The following TXNDC11 variants were observed in gnomAD, a reference collection of about 807,000 sequenced individuals.
TXNDC11 encodes thioredoxin domain-containing protein 11.
In TXNDC11, 68 loss-of-function variants were observed where a neutral mutation model predicts 78.0. The observed-to-expected ratio is 0.87, with a 90% confidence interval of 0.72 to 1.07. The LOEUF (loss-of-function observed/expected upper bound fraction) is 1.07, where lower values mean the gene tolerates loss of function less well. Among genes scored for constraint, TXNDC11 ranks in the 50% least tolerant of loss-of-function variants. The pLI, the probability that TXNDC11 is intolerant of heterozygous loss-of-function variation, is 0.00. For synonymous variants in TXNDC11, 571 were observed against 495.2 expected (o/e 1.15, Z -2.03); for missense variants, 1,389 against 1,221.8 (o/e 1.14, Z -2.04).
chr16:11,701,465 T>C (rs1014877943), intron 5 of TXNDC11, among the ~76,000 whole-genome samples: 9 of 152,082 alleles, frequency 5.9e-5, no homozygotes, highest in Non-Finnish European at 1.0e-4. Context: ...GTAATTTCTG[T>C]GAAATTAGAG....
intron 1 of TXNDC11, chr16:11,742,191 G>A: frequency 2.6e-6 from 1 of 392,038 alleles, no homozygotes; most frequent in East Asian, 4.0e-5. Flanking sequence ...TCCACCCCTA[G>A]TGACTCCAAC....
chr16:11,695,486 G>A (rs970885379), intron 7 of TXNDC11, among the ~76,000 whole-genome samples: 7 of 152,134 alleles, frequency 4.6e-5, no homozygotes, highest in South Asian at 2.1e-4. Context: ...TAACTCTTTC[G>A]TGGTCAACAA....
chr16:11,721,276 TA>T, intron 5 of TXNDC11: 1 of 213,962 alleles, frequency 4.7e-6, no homozygotes, highest in South Asian at 5.7e-5. Flanking sequence ...CCATATCTAC[TA>T]AAAATACAAA....
chr16:11,688,938 T>C (rs2050638088), intron 8 of TXNDC11, among the ~76,000 whole-genome samples: 1 of 152,212 alleles, frequency 6.6e-6, no homozygotes, highest in Non-Finnish European at 1.5e-5. Flanking sequence ...AGTTTCTTTT[T>C]TTAAAGGTTA....
intron 11 of TXNDC11, among the ~76,000 whole-genome samples, chr16:11,680,749 C>A (rs2050402760): frequency 6.6e-6 from 1 of 152,220 alleles, no homozygotes; most frequent in African/African-American, 2.4e-5. Flanking sequence ...CAGAGCCTGG[C>A]TGCCCAGGGC....
In TXNDC11 at chr16:11,688,242, A is replaced by G. The variant is rs1402272011; in HGVS notation, c.2043+61T>C. 6 of 1,573,976 alleles carry G rather than the reference A, an allele frequency of 3.8e-6. No individual in the cohort carries two copies. In the Admixed American group the frequency reaches 9.0e-5, roughly 24 times the overall value. On this transcript the variant is annotated intron_variant, in intron 9 of 11. Transcript: ENST00000283033. The stretch of plus-strand genomic sequence containing the variant: ...AACAGCTGCTCACCCCAACAACTGT[A>G]GTTTGGAAATTATTTTAAGAGGGAC...
Position 11,688,437 on chromosome 16 carries a change from T to C in TXNDC11, c.1909A>G (p.Ile637Val), listed in dbSNP as rs1440865112. 1.9e-6 allele frequency: 3 copies of C among 1,603,190 alleles called. No individual in the cohort carries two copies. The highest frequency in any genetic ancestry group is 1.7e-4 in the Middle Eastern group (1 of 6,000). ...CTATAGAGAACGCTGAAGTTTTGAA[T>C]AAAAGACTCTAAAAATAAAGAGAAA... ...ALMKLTLESF[I>V]QNFSVLYSPL... is the part of the protein sequence containing the mutation. The change falls in exon 9 of 12, where the codon ATT (isoleucine) becomes GTT (valine). Residue 637 changes from isoleucine to valine, a missense_variant. Physicochemically the swap from Ile to Val is conservative, Grantham distance 29. Transcript: ENST00000283033.
chr16:11,695,140 A>G (rs2050825746), intron 7 of TXNDC11, among the ~76,000 whole-genome samples: 1 of 152,234 alleles, frequency 6.6e-6, no homozygotes. Context: ...GTGATGTCTT[A>G]TAACCTCTCT....
chr16:11,717,559 C>T (rs1324840518), intron 5 of TXNDC11, among the ~76,000 whole-genome samples: 1 of 151,174 alleles, frequency 6.6e-6, no homozygotes, highest in Admixed American at 6.6e-5. Flanking sequence ...CAGTGGCTCA[C>T]GCCTGTAATC....
At chr16:11,688,782 A>C (rs1294237803) in intron 8 of TXNDC11, among the ~76,000 whole-genome samples, 1 of 152,230 alleles carries the variant, frequency 6.6e-6, no homozygotes, top group Non-Finnish European at 1.5e-5. Flanking sequence ...CTTTTCAAGA[A>C]ATTTCACCCT....
intron 5 of TXNDC11, among the ~76,000 whole-genome samples, chr16:11,709,310 T>C (rs1187921485): frequency 6.6e-6 from 1 of 150,680 alleles, no homozygotes; most frequent in Non-Finnish European, 1.5e-5. Flanking sequence ...TGGAGCGCAA[T>C]GGCGTGATCT....
At chr16:11,687,451 T>C (rs905514224) in intron 10 of TXNDC11, among the ~76,000 whole-genome samples, 16 of 152,330 alleles carry the variant, frequency 1.1e-4, no homozygotes, top group African/African-American at 3.4e-4. Flanking sequence ...TGGATATCTA[T>C]TGGTCTTTCC....
chr16:11,694,070 G>A (rs2050790765), intron 7 of TXNDC11, among the ~76,000 whole-genome samples: 1 of 137,338 alleles, frequency 7.3e-6, no homozygotes, highest in South Asian at 2.4e-4. Flanking sequence ...ATTTTTAATT[G>A]AAGAAAGTAT....
At chr16:11,733,961 C>T (rs139938308) in intron 3 of TXNDC11, 21 bp downstream of exon 3, 71 of 1,527,972 alleles carry the variant, frequency 4.6e-5, no homozygotes, top group Admixed American at 4.1e-4. Context: ...GAATGAGAGA[C>T]GCTATTTAAA....
In TXNDC11 at chr16:11,700,470, T is replaced by G; in HGVS notation, c.888A>C (p.Arg296Ser). The change falls in exon 6 of 12, where the codon AGA (arginine) becomes AGC (serine). Residue 296 changes from arginine (R) to serine (S), a missense_variant. By Grantham distance (110) the Arg-to-Ser change is moderately radical (BLOSUM62 -1). Coordinates refer to ENST00000283033, the MANE Select transcript of TXNDC11 (RefSeq NM_015914.7). ...TACTTACAAGTGATGTGTTGAAATG[T>G]CTATGTAAATACACACTTCCAGAGT... ...LVHSGSVYLH[R>S]HFNTSLVFPR... 1 of 1,550,318 alleles carries G rather than the reference T, an allele frequency of 6.5e-7. No homozygotes were observed.
chr16:11,714,558 T>A (rs557744243), intron 5 of TXNDC11, among the ~76,000 whole-genome samples: 1 of 151,288 alleles, frequency 6.6e-6, no homozygotes, highest in East Asian at 2.0e-4. Context: ...GAAAATGGCG[T>A]GAACCCGGGA....
intron 5 of TXNDC11, among the ~76,000 whole-genome samples, chr16:11,715,155 G>C (rs1342179836): frequency 6.6e-6 from 1 of 152,172 alleles, no homozygotes; most frequent in African/African-American, 2.4e-5. Context: ...GAGAAGCTGA[G>C]GCAGGAGAAT....
chr16:11,718,582 G>T (rs2051612996), intron 5 of TXNDC11, among the ~76,000 whole-genome samples: 1 of 152,056 alleles, frequency 6.6e-6, no homozygotes. Context: ...CAGGGTAGAA[G>T]AAAGGGAGAA....
chr16:11,688,859 G>A (rs182241487), intron 8 of TXNDC11, among the ~76,000 whole-genome samples: 68 of 152,268 alleles, frequency 4.5e-4, no homozygotes, highest in Non-Finnish European at 8.8e-4. Flanking sequence ...AGTGTGGAAT[G>A]TGTTTAAATG....
Sources: gnomAD v4.1 joint callset for allele counts (sites outside exome capture counted in the v4.1 genomes callset) on GRCh38, gnomAD v4.1.1 for gene constraint, MANE v1.5 for transcripts, NCBI Gene and HGNC (gene_info 2026-07-23, HGNC 2026-07-21) for gene names.